The following XKR4 variants were observed in gnomAD, a reference collection of about 807,000 sequenced individuals.
XKR4 encodes XK-related protein 4.
In XKR4, 12 loss-of-function variants were observed where a neutral mutation model predicts 53.9. The ratio of observed to expected loss-of-function variants is 0.22; its 90% CI spans 0.14 to 0.36. The LOEUF (loss-of-function observed/expected upper bound fraction) is 0.36. Ranked by LOEUF, XKR4 falls within the 10% of genes least tolerant of loss-of-function variation. The pLI is 1.00. For synonymous variants in XKR4, 354 were observed against 362.4 expected (o/e 0.98, Z 0.26); for missense variants, 799 against 859.5 (o/e 0.93, Z 0.88).
chr8:55,531,278 G>T lies in XKR4; in HGVS notation c.*7051G>T, dbSNP rs1298759089. On this transcript the variant is annotated 3_prime_UTR_variant, in exon 3 of 3. Transcript: ENST00000327381. ...TGTCCCTAGGCTACAAACCTGTACA[G>T]CATGCTACTGTACCGAATACTGTAG... 6.6e-6 allele frequency: 1 copy of T among 152,180 alleles called. No homozygotes were observed. Among genetic ancestry groups the T allele is most frequent in the Admixed American group, 6.5e-5 (1 of 15,272 alleles). 9.4% of individuals were successfully genotyped at this position (152,180 alleles called of 1,614,324 possible).
intron 1 of XKR4, among the ~76,000 whole-genome samples, chr8:55,221,193 T>C (rs1480937237): frequency 1.3e-5 from 2 of 152,264 alleles, no homozygotes; most frequent in Non-Finnish European, 2.9e-5. Context: ...GGTTTTTTCT[T>C]ACTTTTATTG....
intron 2 of XKR4, among the ~76,000 whole-genome samples, chr8:55,374,321 G>C (rs1046153490): frequency 6.6e-6 from 1 of 152,228 alleles, no homozygotes; most frequent in Admixed American, 6.5e-5. Context: ...GCCTCATAAG[G>C]GGGAGCAGCA....
At chr8:55,393,245 T>C (rs1175193795) in intron 2 of XKR4, among the ~76,000 whole-genome samples, 1 of 152,130 alleles carries the variant, frequency 6.6e-6, no homozygotes, top group Non-Finnish European at 1.5e-5. Flanking sequence ...TCAACATCTC[T>C]TCTTCAGAAA....
chr8:55,221,994 A>T (rs948703539), intron 1 of XKR4, among the ~76,000 whole-genome samples: 2 of 152,160 alleles, frequency 1.3e-5, no homozygotes, highest in South Asian at 2.1e-4. Flanking sequence ...CTTACAACTA[A>T]TCTGTCCCAG....
Position 55,276,655 on chromosome 8 carries a change from C to T in XKR4, c.807-81023C>T, listed in dbSNP as rs185050186. Among the ~76,000 whole-genome samples, 251 of 152,284 alleles carry T rather than the reference C, an allele frequency of 1.6e-3. 1 individual carries two copies. The highest frequency in any genetic ancestry group is 5.9e-3 in the African/African-American group (244 of 41,564). ...GAGAATCCTGCTATGAAACAGACAA[C>T]AATTTTTCTTACTGTTTTCCAAATA... On this transcript the variant is annotated intron_variant, in intron 1 of 2. Transcript: ENST00000327381.
At chr8:55,171,409 G>A (rs970503061) in intron 1 of XKR4, among the ~76,000 whole-genome samples, 6 of 152,074 alleles carry the variant, frequency 3.9e-5, no homozygotes, top group African/African-American at 1.4e-4. Context: ...TAGACTTTTG[G>A]AAAGCTTCTC....
At chr8:55,267,732 A>G (rs1414502447) in intron 1 of XKR4, among the ~76,000 whole-genome samples, 3 of 152,130 alleles carry the variant, frequency 2.0e-5, no homozygotes, top group African/African-American at 7.2e-5. Flanking sequence ...TAATTTTACA[A>G]TTGACAAAAG....
At chr8:55,458,625 T>C (rs1805605565) in intron 2 of XKR4, among the ~76,000 whole-genome samples, 1 of 152,120 alleles carries the variant, frequency 6.6e-6, no homozygotes. Flanking sequence ...CTCAGTGGGA[T>C]GGGGAGCTGG....
At chr8:55,198,951 C>T (rs767499340) in intron 1 of XKR4, among the ~76,000 whole-genome samples, 1 of 152,154 alleles carries the variant, frequency 6.6e-6, no homozygotes, top group Non-Finnish European at 1.5e-5. Flanking sequence ...CTATAAACCC[C>T]CCATCTTCCT....
intron 1 of XKR4, among the ~76,000 whole-genome samples, chr8:55,117,706 C>T (rs1816329914): frequency 6.6e-6 from 1 of 152,158 alleles, no homozygotes; most frequent in Non-Finnish European, 1.5e-5. Flanking sequence ...ACTTTCATGA[C>T]TTTTGTTTCC....
intron 2 of XKR4, among the ~76,000 whole-genome samples, chr8:55,461,899 T>G (rs185616305): frequency 1.3e-5 from 2 of 152,092 alleles, no homozygotes; most frequent in Non-Finnish European, 2.9e-5. Flanking sequence ...ATGAATGATA[T>G]GAAGCATGAA....
At chr8:55,446,866 G>C (rs755863445) in intron 2 of XKR4, among the ~76,000 whole-genome samples, 24 of 152,212 alleles carry the variant, frequency 1.6e-4, no homozygotes, top group Non-Finnish European at 3.1e-4. Flanking sequence ...GTGGAAGATA[G>C]TCTTCAAAGA....
At chr8:55,437,782 A>G (rs1221590521) in intron 2 of XKR4, among the ~76,000 whole-genome samples, 2 of 152,214 alleles carry the variant, frequency 1.3e-5, no homozygotes, top group African/African-American at 4.8e-5. Flanking sequence ...ATATGTGAAC[A>G]ACAAGAATAA....
intron 1 of XKR4, among the ~76,000 whole-genome samples, chr8:55,306,556 A>G (rs1819304110): frequency 6.6e-6 from 1 of 152,206 alleles, no homozygotes; most frequent in Non-Finnish European, 1.5e-5. Flanking sequence ...CATGGATGGC[A>G]GCAGGAAATA....
intron 1 of XKR4, among the ~76,000 whole-genome samples, chr8:55,313,726 A>T (rs1586005436): frequency 6.6e-6 from 1 of 152,202 alleles, no homozygotes; most frequent in South Asian, 2.1e-4. Context: ...ACTTCGAGTC[A>T]CCTGCTGCCT....
chr8:55,282,562 C>A (rs1818857775), intron 1 of XKR4, among the ~76,000 whole-genome samples: 1 of 152,116 alleles, frequency 6.6e-6, no homozygotes, highest in Admixed American at 6.6e-5. Flanking sequence ...TTTGAATCAA[C>A]CAGTTCTCCT....
intron 1 of XKR4, among the ~76,000 whole-genome samples, chr8:55,156,331 A>G (rs913760680): frequency 1.3e-5 from 2 of 151,400 alleles, no homozygotes; most frequent in Non-Finnish European, 2.9e-5. Context: ...AATCCAAATG[A>G]CCGCGTAAAG....
At chr8:55,479,886 C>T (rs954921816) in intron 2 of XKR4, among the ~76,000 whole-genome samples, 6 of 152,092 alleles carry the variant, frequency 3.9e-5, no homozygotes, top group African/African-American at 1.4e-4. Context: ...ATAACAGGCT[C>T]TGAAAATTGT....
chr8:55,472,987 A>G (rs1805913286), intron 2 of XKR4, among the ~76,000 whole-genome samples: 1 of 152,098 alleles, frequency 6.6e-6, no homozygotes, highest in Non-Finnish European at 1.5e-5. Context: ...CTAGCATACT[A>G]TGAATACGAT....
Sources: allele counts gnomAD v4.1 joint callset (sites outside exome capture counted in the v4.1 genomes callset), GRCh38; gene constraint gnomAD v4.1.1; transcripts MANE v1.5; gene names NCBI Gene and HGNC (gene_info 2026-07-23, HGNC 2026-07-21).